ZNF695: variants seen among roughly 807,000 people sequenced by gnomAD.
The protein encoded by ZNF695 is zinc finger protein 695.
Under a neutral mutation model 11.2 loss-of-function variants are expected in ZNF695, and 11 were observed. The observed-to-expected ratio is 0.98, with a 90% confidence interval of 0.62 to 1.62. ZNF695 has a LOEUF of 1.62. Ranked by LOEUF, ZNF695 falls within the 40% of genes most tolerant of loss-of-function variation. ZNF695 has a pLI of 0.00. For synonymous variants in ZNF695, 190 were observed against 201.4 expected, an observed-to-expected ratio of 0.94 and a Z score of 0.48; for missense variants, 559 against 590.5, an observed-to-expected ratio of 0.95 and a Z score of 0.55.
intron 2 of ZNF695, 25 bp from the exon 3 acceptor site, chr1:246,999,465 TGATTCTTGCAGG>T (rs1558320495): frequency 1.3e-6 from 2 of 1,577,412 alleles, no homozygotes; most frequent in Non-Finnish European, 1.7e-6. Flanking sequence ...AAAAGGTGCA[TGATTCTTGCAGG>T]GATTCTTTAA....
chr1:246,980,794 C>T (rs1044772419), downstream of ZNF695, among the ~76,000 whole-genome samples: 1 of 152,140 alleles, frequency 6.6e-6, no homozygotes, highest in Admixed American at 6.6e-5. Context: ...CACAACTATC[C>T]TGAAACCTGA....
chr1:246,945,673 T>A, downstream of ZNF695: 1 of 930,414 alleles, frequency 1.1e-6, no homozygotes, highest in Non-Finnish European at 1.7e-6. Flanking sequence ...AGAAATAGAT[T>A]CTGTGGGAGG....
intron 4 of ZNF695, among the ~76,000 whole-genome samples, chr1:246,974,143 A>T (rs74692729): frequency 2.0e-5 from 2 of 100,524 alleles, no homozygotes; most frequent in East Asian, 2.6e-4. Flanking sequence ...TATTTGGAAT[A>T]AAAAACAAAC....
At chr1:246,968,194 T>C (rs1026698945) in intron 4 of ZNF695, 65 of 152,242 alleles carry the variant, frequency 4.3e-4, no homozygotes, top group African/African-American at 1.5e-3. Context: ...TAGGATACAA[T>C]AAGGGTACAG....
intron 4 of ZNF695, among the ~76,000 whole-genome samples, chr1:246,971,421 G>C (rs1213603773): frequency 6.6e-6 from 1 of 152,160 alleles, no homozygotes; most frequent in Non-Finnish European, 1.5e-5. Flanking sequence ...CTGATGTCAG[G>C]CCTTCCACAA....
At position 246,952,549 on chromosome 1, in the gene ZNF695, C is replaced by CT. The variant is rs11326820; in HGVS notation, c.489-6723dup. ...AAATAATGTTATGCTTCTTCTTCTT[C>CT]TTTTTTTTTTTTTTTGAGGCAGGGT... On this transcript the variant is annotated intron_variant, in intron 5 of 5. Transcript: ENST00000487338. 3.0e-3 allele frequency among the ~76,000 whole-genome samples: 408 copies of CT among 137,390 alleles called. 2 individuals carry two copies. The highest frequency in any genetic ancestry group is 7.0e-3 in the East Asian group (32 of 4,592). The allele number at this position is 137,390 out of a possible 152,430, so 90.1% of individuals were successfully genotyped here.
chr1:246,964,596 C>T (rs1668241460), intron 5 of ZNF695, among the ~76,000 whole-genome samples: 1 of 152,250 alleles, frequency 6.6e-6, no homozygotes. Flanking sequence ...CCTGGCTGGG[C>T]CCAGTGGCCC....
rs138128698 is a variant in ZNF695, at chr1:246,958,988, G to A, written c.488+8707C>T. 4.5e-3 allele frequency among the ~76,000 whole-genome samples: 680 copies of A among 151,870 alleles called. 8 individuals carry two copies. Among genetic ancestry groups the A allele is most frequent in the African/African-American group, 0.015 (630 of 41,402 alleles). On this transcript the variant is annotated intron_variant, in intron 5 of 5. Coordinates refer to the ZNF695 transcript ENST00000487338. ...ATCCTTACTCTCCTCAGATGTCAGCGAATCAGATACTGTGTCTTGGCCAGG... is the reference window on the plus strand; with the variant it reads ...ATCCTTACTCTCCTCAGATGTCAGCAAATCAGATACTGTGTCTTGGCCAGG...
intron 5 of ZNF695, among the ~76,000 whole-genome samples, chr1:246,959,170 T>C (rs1668084605): frequency 6.9e-6 from 1 of 145,854 alleles, no homozygotes; most frequent in Non-Finnish European, 1.5e-5. Context: ...TCCCAGCTAC[T>C]TGGGAGACTG....
chr1:246,963,120 C>T (rs935833731), intron 5 of ZNF695, among the ~76,000 whole-genome samples: 1 of 152,206 alleles, frequency 6.6e-6, no homozygotes, highest in Non-Finnish European at 1.5e-5. Context: ...GATCATGTCA[C>T]ACTCCTTCTG....
intron 4 of ZNF695, among the ~76,000 whole-genome samples, chr1:246,973,009 G>C (rs1225986218): frequency 6.7e-6 from 1 of 148,468 alleles, no homozygotes; most frequent in African/African-American, 2.5e-5. Context: ...AAACAGAAGA[G>C]TAATAGGAAA....
chr1:247,006,336 G>T (rs1375384162), intron 1 of ZNF695, among the ~76,000 whole-genome samples: 2 of 152,108 alleles, frequency 1.3e-5, no homozygotes, highest in Non-Finnish European at 2.9e-5. Context: ...AAATAAGCCG[G>T]GCGCGGTGGT....
rs192645045 is a variant in ZNF695 at position 246,989,784 on chromosome 1, G to A, written c.260-1529C>T. The stretch of plus-strand genomic sequence containing the variant: ...TGTAATCCCAGCTCTTTGGGAGGCC[G>A]AGGCGAGCAGATCGTTTGGGCTTAG... On this transcript the variant is annotated intron_variant, in intron 3 of 3. Coordinates refer to ENST00000339986, the MANE Select transcript of ZNF695 (RefSeq NM_020394.5). 9.8e-4 allele frequency among the ~76,000 whole-genome samples: 149 copies of A among 152,248 alleles called. 2 individuals are homozygous for A. Among genetic ancestry groups the A allele is most frequent in the African/African-American group, 1.2e-3 (51 of 41,542 alleles).
At chr1:246,979,490 C>T (rs572892697) in intron 4 of ZNF695, among the ~76,000 whole-genome samples, 207 of 152,258 alleles carry the variant, frequency 1.4e-3, no homozygotes, top group African/African-American at 4.7e-3. Context: ...CATCATACCA[C>T]GGGCACTACA....
intron 3 of ZNF695, among the ~76,000 whole-genome samples, chr1:246,989,562 A>AGAAG (rs1668964931): frequency 6.6e-6 from 1 of 151,768 alleles, no homozygotes; most frequent in Admixed American, 6.6e-5. Context: ...CAGGAAAGAA[A>AGAAG]GAAGACCACT....
Position 247,006,333 on chromosome 1 carries a change from C to A in ZNF695, c.3+1573G>T, listed in dbSNP as rs185988828. ...GAAAAGCAAATAAAGGACAAATAAG[C>A]CGGGCGCGGTGGTTCATGCCTGTAA... On this transcript the variant is annotated intron_variant, in intron 1 of 3. Transcript: ENST00000339986. Among the ~76,000 whole-genome samples, 6 of 152,086 alleles carry A rather than the reference C, an allele frequency of 3.9e-5. 2 individuals carry two copies. Among genetic ancestry groups the A allele is most frequent in the African/African-American group, 1.2e-4 (5 of 41,504 alleles).
chr1:246,974,280 G>A (rs1307654493), intron 4 of ZNF695, among the ~76,000 whole-genome samples: 1 of 152,128 alleles, frequency 6.6e-6, no homozygotes, highest in Non-Finnish European at 1.5e-5. Context: ...TCAGTTATTC[G>A]GGAAGACCAG....
chr1:246,956,545 G>A (rs952616668), intron 5 of ZNF695, among the ~76,000 whole-genome samples: 9 of 152,034 alleles, frequency 5.9e-5, no homozygotes, highest in Non-Finnish European at 7.4e-5. Flanking sequence ...GAACCCGGGA[G>A]GCAGAGGTTG....
intron 5 of ZNF695, among the ~76,000 whole-genome samples, chr1:246,955,592 CACAGA>C (rs1006967671): frequency 2.0e-5 from 3 of 152,324 alleles, no homozygotes; most frequent in African/African-American, 2.4e-5. Context: ...CAAACACCTA[CACAGA>C]ACAGAACTAA....
Sources: allele counts gnomAD v4.1 joint callset (sites outside exome capture counted in the v4.1 genomes callset), GRCh38; gene constraint gnomAD v4.1.1; transcripts MANE v1.5; gene names NCBI Gene and HGNC (gene_info 2026-07-23, HGNC 2026-07-21).